The following FAM133B variants were observed in gnomAD, a reference collection of about 807,000 sequenced individuals.
FAM133B encodes family with sequence similarity 133 member B, also known as protein FAM133B.
FAM133B carries 25 observed loss-of-function variants against 46.4 expected under a neutral mutation model. The ratio of observed to expected loss-of-function variants is 0.54; its 90% confidence interval spans 0.39 to 0.75. FAM133B has a LOEUF of 0.75. Ranked by LOEUF, FAM133B falls within the 30% of genes least tolerant of loss-of-function variation. The probability of loss-of-function intolerance (pLI) is 0.00; values close to 1 mark genes in which losing one functional copy is unlikely to be tolerated. For synonymous variants in FAM133B, 75 were observed against 86.0 expected, an observed-to-expected ratio of 0.87 and a Z score of 0.71; for missense variants, 205 against 277.6, an observed-to-expected ratio of 0.74 and a Z score of 1.86.
chr7:92,585,218 C>A, intron 1 of FAM133B: 1 of 266,824 alleles, frequency 3.7e-6, no homozygotes. Context: ...CTCTGTATGT[C>A]ATTTCCTATT....
intron 9 of FAM133B, among the ~76,000 whole-genome samples, chr7:92,567,709 G>A (rs1057409329): frequency 1.3e-5 from 2 of 152,106 alleles, no homozygotes; most frequent in African/African-American, 4.8e-5. Context: ...CATCCTCCAC[G>A]ACTTTTGAAT....
intron 7 of FAM133B, 124 bp from the exon 8 acceptor site, chr7:92,575,945 A>G (rs1794682474): frequency 4.7e-6 from 2 of 422,052 alleles, no homozygotes; most frequent in Admixed American, 8.5e-5. Flanking sequence ...ATCCCAGTAT[A>G]TTATTCCGAA....
intron 1 of FAM133B, among the ~76,000 whole-genome samples, chr7:92,585,103 G>A (rs1019477372): frequency 2.0e-5 from 3 of 152,122 alleles, no homozygotes; most frequent in African/African-American, 4.8e-5. Flanking sequence ...CCAATCAACT[G>A]AGTCTCAGCC....
intron 5 of FAM133B, 92 bp downstream of exon 5, chr7:92,578,058 C>T: frequency 9.0e-7 from 1 of 1,116,510 alleles, no homozygotes; most frequent in Non-Finnish European, 1.3e-6. Flanking sequence ...GGAGTTTAAG[C>T]TACCTTTAGC....
chr7:92,578,051 G>A, intron 5 of FAM133B, 99 bp downstream of exon 5: 1 of 1,070,806 alleles, frequency 9.3e-7, no homozygotes, highest in Non-Finnish European at 1.4e-6. Context: ...CTCATCTGGA[G>A]TTTAAGCTAC....
chr7:92,567,898 G>A (rs1304295819), intron 9 of FAM133B, among the ~76,000 whole-genome samples: 1 of 151,798 alleles, frequency 6.6e-6, no homozygotes, highest in Non-Finnish European at 1.5e-5. Context: ...TGAGTAGCTG[G>A]GATTGCGGGT....
At chr7:92,577,539 T>A in intron 6 of FAM133B, 116 bp downstream of exon 6, 1 of 796,516 alleles carries the variant, frequency 1.3e-6, no homozygotes, top group East Asian at 2.9e-5. Flanking sequence ...AAGTTATGGA[T>A]AATTAATCAA....
rs1294853894 is a variant in FAM133B, at chr7:92,569,812, C to T, written c.609+11G>A. On this transcript the variant is annotated intron_variant, in intron 9 of 10. Coordinates refer to ENST00000445716, the MANE Select transcript of FAM133B (RefSeq NM_152789.4). Reference sequence around the variant, plus strand: ...TTAAAATAGAGAAAATGGATTTGATCATATACTTACCTCCTCAATATACTC... The same window carrying T: ...TTAAAATAGAGAAAATGGATTTGATTATATACTTACCTCCTCAATATACTC... 1.5e-6 allele frequency: 2 copies of T among 1,317,738 alleles called. No homozygotes were observed. The highest frequency in any genetic ancestry group is 2.0e-6 in the Non-Finnish European group (2 of 997,310). The allele number at this position is 1,317,738 out of a possible 1,614,324, so 81.6% of individuals were successfully genotyped here.
rs553433074 is a variant in FAM133B at position 92,563,976 on chromosome 7, G to A, written c.658-1608C>T. Among the ~76,000 whole-genome samples the A allele has an allele frequency of 2.6e-5, 4 of 152,148 alleles. No individual in the cohort carries two copies. The South Asian group carries it at 8.3e-4, about 31-fold the overall frequency. ...TCCTGTACCAAAGGATTTACAAAATGTAAAATATTTAGGTCACCTCTTTGT... is the reference window on the plus strand; with the variant it reads ...TCCTGTACCAAAGGATTTACAAAATATAAAATATTTAGGTCACCTCTTTGT... On this transcript the variant is annotated intron_variant, in intron 10 of 10. Transcript: ENST00000445716.
At chr7:92,570,780 T>C (rs1794505395) in intron 8 of FAM133B, among the ~76,000 whole-genome samples, 1 of 152,182 alleles carries the variant, frequency 6.6e-6, no homozygotes, top group African/African-American at 2.4e-5. Context: ...GGCTAGATTA[T>C]AGCAGACTTC....
intron 8 of FAM133B, among the ~76,000 whole-genome samples, chr7:92,573,378 C>A (rs185208081): frequency 1.3e-5 from 2 of 151,910 alleles, no homozygotes; most frequent in African/African-American, 4.8e-5. Flanking sequence ...TGGTCTCGAA[C>A]TCCTGGCCTT....
intron 9 of FAM133B, among the ~76,000 whole-genome samples, chr7:92,569,178 G>A (rs539034989): frequency 6.4e-4 from 98 of 152,192 alleles, no homozygotes; most frequent in African/African-American, 2.3e-3. Flanking sequence ...CACTATTGGG[G>A]GTTAAGTATG....
intron 8 of FAM133B, among the ~76,000 whole-genome samples, chr7:92,574,899 G>A (rs950866054): frequency 9.0e-5 from 13 of 144,582 alleles, no homozygotes; most frequent in African/African-American, 2.7e-4. Context: ...GCGACAGAGC[G>A]AGACTCCGTC....
chr7:92,562,979 C>T lies in FAM133B; in HGVS notation c.658-611G>A, dbSNP rs534268220. ...TTTAGAAGAAAATGCCACTAATGCC[C>T]GGTAGAAGTAGTTAAACTGTGAGTG... is the stretch of plus-strand genomic sequence containing the variant. On this transcript the variant is annotated intron_variant, in intron 10 of 10. Coordinates refer to ENST00000445716, the MANE Select transcript of FAM133B (RefSeq NM_152789.4). Among the ~76,000 whole-genome samples the T allele has an allele frequency of 5.9e-5, 9 of 152,148 alleles. No individual in the cohort carries two copies. The South Asian group carries it at 1.5e-3, about 25-fold the overall frequency.
At chr7:92,577,247 T>C (rs2116403661) in intron 6 of FAM133B, 52 bp from the exon 7 acceptor site, 2 of 1,232,922 alleles carry the variant, frequency 1.6e-6, no homozygotes, top group Non-Finnish European at 2.2e-6. Context: ...AAATCTAATT[T>C]ACACATTTAT....
In FAM133B at chr7:92,573,381, C is replaced by T. The variant is rs138080278; in HGVS notation, c.516+2390G>A. On this transcript the variant is annotated intron_variant, in intron 8 of 10. Transcript: ENST00000445716. ...TGTTGCCCAGGCTGGTCTCGAACTCCTGGCCTTAAGTGATCCTCCTGCCTC... is the reference window on the plus strand; with the variant it reads ...TGTTGCCCAGGCTGGTCTCGAACTCTTGGCCTTAAGTGATCCTCCTGCCTC... Among the ~76,000 whole-genome samples the T allele has an allele frequency of 6.3e-3, 954 of 151,924 alleles. 8 individuals are homozygous for T. Among genetic ancestry groups the T allele is most frequent in the Middle Eastern group, 0.045 (13 of 292 alleles).
chr7:92,584,048 A>C (rs1211984472), intron 1 of FAM133B, among the ~76,000 whole-genome samples: 1 of 64,158 alleles, frequency 1.6e-5, no homozygotes, highest in African/African-American at 6.8e-5. Flanking sequence ...AGACTGTCTC[A>C]AAAAAAAAAA....
At chr7:92,578,447 T>C in intron 3 of FAM133B, 54 bp from the exon 4 acceptor site, 1 of 1,463,418 alleles carries the variant, frequency 6.8e-7, no homozygotes, top group Non-Finnish European at 9.5e-7. Context: ...CCAATACACC[T>C]AATATACAGA....
At position 92,580,584 on chromosome 7, in the gene FAM133B, G is replaced by A. The variant is rs545008226; in HGVS notation, c.122+922C>T. Among the ~76,000 whole-genome samples the A allele has an allele frequency of 7.9e-5, 12 of 152,262 alleles. No homozygotes were observed. The South Asian group carries it at 1.9e-3, about 24-fold the overall frequency. ...GGGAGGACCCTTCAAAGCCTGTTCC[G>A]GGACTTACCCAAACTTTGCTCCCTG... is the stretch of plus-strand genomic sequence containing the variant. On this transcript the variant is annotated intron_variant, in intron 2 of 10. Coordinates refer to ENST00000445716, the MANE Select transcript of FAM133B (RefSeq NM_152789.4).
Sources: gnomAD v4.1 joint callset for allele counts (sites outside exome capture counted in the v4.1 genomes callset) on GRCh38, gnomAD v4.1.1 for gene constraint, MANE v1.5 for transcripts, NCBI Gene and HGNC (gene_info 2026-07-23, HGNC 2026-07-21) for gene names.